P2RX1: variants seen among roughly 807,000 people sequenced by gnomAD.
P2RX1 encodes the protein purinergic receptor P2X 1, also known as P2X purinoceptor 1.
Under a neutral mutation model 50.3 loss-of-function variants are expected in P2RX1, and 42 were observed. The observed-to-expected ratio is 0.83, with a 90% CI of 0.65 to 1.08. P2RX1 has a LOEUF of 1.08. Ranked by LOEUF, P2RX1 falls within the 50% of genes least tolerant of loss-of-function variation. The pLI is 0.00. For missense variants in P2RX1, 449 were observed against 529.0 expected, an observed-to-expected ratio of 0.85 and a Z score of 1.48; for synonymous variants, 199 against 202.6, an observed-to-expected ratio of 0.98 and a Z score of 0.15.
rs2056100351 is a variant in P2RX1, at chr17:3,899,686, C to T, written c.823G>A (p.Glu275Lys). The change falls in exon 8 of 12, where the codon GAG becomes AAG. Residue 275 changes from glutamate to lysine, a missense_variant. Glu to Lys is a moderately conservative substitution (Grantham distance 56). Coordinates refer to ENST00000225538, the MANE Select transcript of P2RX1 (RefSeq NM_002558.4). ...TTCTCTTCGTACAGCCCATGGAACTCATAGATGGGTCTGCAGTGCCGTACG... is the reference window on the plus strand; with the variant it reads ...TTCTCTTCGTACAGCCCATGGAACTTATAGATGGGTCTGCAGTGCCGTACG... Reference protein sequence around the residue: ...WHVRHCRPIYEFHGLYEEKNL... With the variant: ...WHVRHCRPIYKFHGLYEEKNL... 1 of 1,613,888 alleles carries T rather than the reference C, an allele frequency of 6.2e-7. No individual in the cohort carries two copies. The highest frequency in any genetic ancestry group is 1.3e-5 in the African/African-American group (1 of 74,906).
Position 3,904,028 on chromosome 17 carries a change from G to A in P2RX1, c.428-4C>T, listed in dbSNP as rs377093813. 1.1e-4 allele frequency: 170 copies of A among 1,612,834 alleles called. 1 individual carries two copies. The highest frequency in any genetic ancestry group is 1.4e-4 in the Non-Finnish European group (168 of 1,179,090). On this transcript the variant is annotated splice_region_variant and splice_polypyrimidine_tract_variant and intron_variant, in intron 4 of 11. Coordinates refer to ENST00000225538, the MANE Select transcript of P2RX1 (RefSeq NM_002558.4). ...ACACACTTGCCCGTGCGGATGCCTG[G>A]AGCCAGAGGGAAACCCCTGGGTGCC... is the stretch of plus-strand genomic sequence containing the variant.
intron 7 of P2RX1, among the ~76,000 whole-genome samples, chr17:3,901,550 C>T (rs1039084346): frequency 3.3e-5 from 5 of 152,310 alleles, no homozygotes; most frequent in Admixed American, 6.5e-5. Flanking sequence ...GTAGTTGGCA[C>T]GGAGCCCATA....
Position 3,897,768 on chromosome 17 carries a change from G to C in P2RX1, c.*46C>G. On this transcript the variant is annotated 3_prime_UTR_variant, in exon 12 of 12. Transcript: ENST00000225538. ...CTGGCTGGGACCCACCAGGGCTCCA[G>C]GCTGAAGCCTCACGCTGCACCCAGT... 1 of 1,582,140 alleles carries C rather than the reference G, an allele frequency of 6.3e-7. No individual in the cohort carries two copies.
Position 3,903,672 on chromosome 17 carries a change from G to A in P2RX1, c.525-41C>T, listed in dbSNP as rs772618397. ...CGCACTCACCGCCCCTCCCCAGGAG[G>A]CCCCCTGTGTGTCCCACACAGAGCT... On this transcript the variant is annotated intron_variant, in intron 5 of 11. Transcript: ENST00000225538. This position sits in a 1 kb window ranked among gnomAD's most constrained non-coding sequence, Gnocchi z 4.6. 2 of 1,594,450 alleles carry A rather than the reference G, an allele frequency of 1.3e-6. No homozygotes were observed. Among genetic ancestry groups the A allele is most frequent in the Middle Eastern group, 1.7e-4 (1 of 6,020 alleles).
Position 3,903,071 on chromosome 17 carries a change from A to G in P2RX1, c.747+131T>C, listed in dbSNP as rs2056181870. Reference sequence around the variant, plus strand: ...GATCTGACGCTCAGGGGGCCCCAGTATCAGGGGACAGACCCATACATATAC... The same window carrying G: ...GATCTGACGCTCAGGGGGCCCCAGTGTCAGGGGACAGACCCATACATATAC... On this transcript the variant is annotated intron_variant, in intron 7 of 11. Transcript: ENST00000225538. The surrounding 1 kb of genome is among the most constrained non-coding windows in gnomAD (Gnocchi z 4.6). The G allele has an allele frequency of 9.3e-6, 12 of 1,287,136 alleles. No individual in the cohort carries two copies. The highest frequency in any genetic ancestry group is 1.2e-5 in the Non-Finnish European group (11 of 917,904). The allele number at this position is 1,287,136 out of a possible 1,614,324, so 79.7% of individuals were successfully genotyped here. A position where few individuals can be genotyped will look rare whatever the true frequency, so the allele number is the denominator to read the frequency against.
Position 3,903,803 on chromosome 17 carries a change from C to T in P2RX1, c.524+125G>A. ...GGCCAGGACCCAGGGGAATCTTCAG[C>T]CTAGGTTGCGCGGATGGGGTGAGGG... On this transcript the variant is annotated intron_variant, in intron 5 of 11. Transcript: ENST00000225538. The surrounding 1 kb of genome is among the most constrained non-coding windows in gnomAD (Gnocchi z 4.6). The T allele has an allele frequency of 9.1e-7, 1 of 1,093,214 alleles. No homozygotes were observed. The highest frequency in any genetic ancestry group is 1.4e-6 in the Non-Finnish European group (1 of 720,822). 67.7% of individuals were successfully genotyped at this position (1,093,214 alleles called of 1,614,324 possible).
chr17:3,903,073 C>T lies in P2RX1; in HGVS notation c.747+129G>A, dbSNP rs1328523423. 3 of 1,317,570 alleles carry T rather than the reference C, an allele frequency of 2.3e-6. No homozygotes were observed. Among genetic ancestry groups the T allele is most frequent in the African/African-American group, 1.4e-5 (1 of 69,066 alleles). 81.6% of individuals were successfully genotyped at this position (1,317,570 alleles called of 1,614,324 possible). A position where few individuals can be genotyped will look rare whatever the true frequency, so the allele number is the denominator to read the frequency against. On this transcript the variant is annotated intron_variant, in intron 7 of 11. Coordinates refer to ENST00000225538, the MANE Select transcript of P2RX1 (RefSeq NM_002558.4). The surrounding 1 kb of genome is among the most constrained non-coding windows in gnomAD (Gnocchi z 4.6). ...TCTGACGCTCAGGGGGCCCCAGTAT[C>T]AGGGGACAGACCCATACATATACTC...
At chr17:3,907,020 C>G (rs1036068506) in intron 1 of P2RX1, among the ~76,000 whole-genome samples, 1 of 152,184 alleles carries the variant, frequency 6.6e-6, no homozygotes, top group African/African-American at 2.4e-5. Flanking sequence ...GACAATGAAG[C>G]TCTCCTAGAG....
intron 1 of P2RX1, among the ~76,000 whole-genome samples, chr17:3,913,132 CTTTT>C (rs555976939): frequency 7.4e-6 from 1 of 134,996 alleles, no homozygotes. Context: ...CTGAGACCAT[CTTTT>C]TTTTTTTTTT....
chr17:3,898,052 T>C lies in P2RX1; in HGVS notation c.1091A>G (p.Lys364Arg). 6.2e-7 allele frequency: 1 copy of C among 1,613,156 alleles called. No individual in the cohort carries two copies. Among genetic ancestry groups the C allele is most frequent in the African/African-American group, 1.3e-5 (1 of 74,662 alleles). ...LHILPKRHYY[K>R]QKKFKYAEDM... is the part of the protein sequence containing the mutation. Reference sequence around the variant, plus strand: ...CTCAGCGTATTTGAACTTCTTCTGCTTGTAGTAGTGCCTCTTAGGCAGGAT... The same window carrying C: ...CTCAGCGTATTTGAACTTCTTCTGCCTGTAGTAGTGCCTCTTAGGCAGGAT... The change falls in exon 11 of 12, where the codon AAG (lysine) becomes AGG (arginine). Residue 364 changes from lysine (K) to arginine (R), a missense_variant. Physicochemically the swap from Lys to Arg is conservative, Grantham distance 26. Transcript: ENST00000225538.
Position 3,914,520 on chromosome 17 carries a change from G to A in P2RX1, c.137+1569C>T, listed in dbSNP as rs2056417226. 6.6e-6 allele frequency among the ~76,000 whole-genome samples: 1 copy of A among 152,110 alleles called. No individual in the cohort carries two copies. The highest frequency in any genetic ancestry group is 2.4e-5 in the African/African-American group (1 of 41,406). ...CCTGCAGATCTGAAAGCAGAACTAGGGAGCCGCAGGGGCAGAGAGAGGACA... is the reference window on the plus strand; with the variant it reads ...CCTGCAGATCTGAAAGCAGAACTAGAGAGCCGCAGGGGCAGAGAGAGGACA... On this transcript the variant is annotated intron_variant, in intron 1 of 11. Coordinates refer to ENST00000225538, the MANE Select transcript of P2RX1 (RefSeq NM_002558.4). This position sits in a 1 kb window ranked among gnomAD's most constrained non-coding sequence, Gnocchi z 4.1.
At chr17:3,915,084 G>A (rs2056426285) in intron 1 of P2RX1, among the ~76,000 whole-genome samples, 2 of 152,156 alleles carry the variant, frequency 1.3e-5, no homozygotes, top group South Asian at 2.1e-4. Context: ...AAAATGGGGA[G>A]GGTAGAGCTC....
In P2RX1 at chr17:3,896,828, CAT is replaced by C. The variant is rs1387308278; in HGVS notation, c.*984_*985del. The C allele has an allele frequency of 2.0e-5, 3 of 152,312 alleles. No individual in the cohort carries two copies. Among genetic ancestry groups the C allele is most frequent in the African/African-American group, 7.2e-5 (3 of 41,432 alleles). 9.4% of individuals were successfully genotyped at this position (152,312 alleles called of 1,614,324 possible). On this transcript the variant is annotated 3_prime_UTR_variant, in exon 12 of 12. Transcript: ENST00000225538. ...CCTATGGAGGTGACATGGCACGGAC[CAT>C]GTGTGTGTGCTTGGGGGTGTAGATG...
At chr17:3,909,412 C>T (rs2056324808) in intron 1 of P2RX1, among the ~76,000 whole-genome samples, 1 of 152,314 alleles carries the variant, frequency 6.6e-6, no homozygotes, top group African/African-American at 2.4e-5. Flanking sequence ...TCACTGTTCT[C>T]CGTTCCTCCT....
At chr17:3,906,471 T>C (rs889574180) in intron 1 of P2RX1, among the ~76,000 whole-genome samples, 6 of 152,168 alleles carry the variant, frequency 3.9e-5, no homozygotes, top group Admixed American at 3.3e-4. Context: ...AGTGAGTTCA[T>C]ACATGTAGAA....
At chr17:3,908,520 C>T (rs2056307449) in intron 1 of P2RX1, among the ~76,000 whole-genome samples, 1 of 152,200 alleles carries the variant, frequency 6.6e-6, no homozygotes, top group South Asian at 2.1e-4. Context: ...CAAGATTGCA[C>T]TCTGCACCCC....
In P2RX1 at chr17:3,897,967, G is replaced by A. The variant is rs745594935; in HGVS notation, c.1134+42C>T. ...CCCCCACCCCAACACAGACACAAGC[G>A]CCGGAGGCCTTCGAAGGGCCTGGCT... On this transcript the variant is annotated intron_variant, in intron 11 of 11. Transcript: ENST00000225538. The A allele has an allele frequency of 2.7e-5, 43 of 1,606,676 alleles. No individual in the cohort carries two copies. Among genetic ancestry groups the A allele is most frequent in the Admixed American group, 3.3e-5 (2 of 59,976 alleles).
At chr17:3,915,153 G>A (rs1171681957) in intron 1 of P2RX1, among the ~76,000 whole-genome samples, 1 of 152,158 alleles carries the variant, frequency 6.6e-6, no homozygotes, top group Admixed American at 6.5e-5. Flanking sequence ...ACCCCAGCAG[G>A]GGCTGAGCCC....
rs779223288 is a variant in P2RX1 at position 3,897,887 on chromosome 17, C to T, written c.1135-8G>A. On this transcript the variant is annotated splice_polypyrimidine_tract_variant and splice_region_variant and intron_variant, in intron 11 of 11. Transcript: ENST00000225538. ...TGCGAGGTCACGCTCAGCCTGTGTA[C>T]GTGGTGCAAGGGTTGGGGGATACAA... 2.3e-5 allele frequency: 37 copies of T among 1,613,838 alleles called. No individual in the cohort carries two copies. Among genetic ancestry groups the T allele is most frequent in the Non-Finnish European group, 3.1e-5 (37 of 1,179,988 alleles).
Sources: gnomAD v4.1 joint callset for allele counts (sites outside exome capture counted in the v4.1 genomes callset) on GRCh38, gnomAD v4.1.1 for gene constraint, Gnocchi (gnomAD v3.1) non-coding constraint, MANE v1.5 for transcripts, NCBI Gene and HGNC (gene_info 2026-07-23, HGNC 2026-07-21) for gene names.